The following GRIN3A variants were observed in gnomAD, a reference collection of about 807,000 sequenced individuals.
GRIN3A encodes glutamate ionotropic receptor NMDA type subunit 3A, also known as glutamate receptor ionotropic, NMDA 3A.
Under a neutral mutation model 92.4 loss-of-function variants are expected in GRIN3A, and 47 were observed. The observed-to-expected ratio is 0.51, with a 90% CI of 0.40 to 0.65. GRIN3A has a LOEUF of 0.65. GRIN3A is among the 30% of genes least tolerant of loss of function. The probability of loss-of-function intolerance (pLI) is 0.00; values close to 1 mark genes in which losing one functional copy is unlikely to be tolerated. For synonymous variants in GRIN3A, 527 were observed against 540.6 expected (o/e 0.97, Z 0.35); for missense variants, 1,324 against 1,393.1 (o/e 0.95, Z 0.79).
chr9:101,686,476 A>G lies in GRIN3A; in HGVS notation c.1304+120T>C, dbSNP rs1012614913. 2.1e-5 allele frequency: 23 copies of G among 1,114,028 alleles called. No homozygotes were observed. The South Asian group carries it at 2.7e-4, about 13-fold the overall frequency. The allele number at this position is 1,114,028 out of a possible 1,614,324, so 69.0% of individuals were successfully genotyped here. A position where few individuals can be genotyped will look rare whatever the true frequency, so the allele number is the denominator to read the frequency against. ...CTATATAACCAGAAATCCTCTAAGAAATATTATTAAAGTTTAAAGCTACTC... is the reference window on the plus strand; with the variant it reads ...CTATATAACCAGAAATCCTCTAAGAGATATTATTAAAGTTTAAAGCTACTC... On this transcript the variant is annotated intron_variant, in intron 2 of 8. Transcript: ENST00000361820.
intron 1 of GRIN3A, among the ~76,000 whole-genome samples, chr9:101,706,086 T>C (rs1216158428): frequency 2.0e-5 from 3 of 152,164 alleles, no homozygotes; most frequent in Non-Finnish European, 2.9e-5. Context: ...AGAAGCGACC[T>C]AGTCTGGGGA....
At position 101,591,208 on chromosome 9, in the gene GRIN3A, G is replaced by A. The variant is rs111727104; in HGVS notation, c.2767-11848C>T. ...GTGGAACATGGCTTAAAACTGTCTC[G>A]TCTAACATATCTGTTTCATTGCAAT... On this transcript the variant is annotated intron_variant, in intron 6 of 8. Coordinates refer to ENST00000361820, the MANE Select transcript of GRIN3A (RefSeq NM_133445.3). 3.3e-3 allele frequency among the ~76,000 whole-genome samples: 498 copies of A among 152,262 alleles called. 4 individuals carry two copies. Among genetic ancestry groups the A allele is most frequent in the Middle Eastern group, 0.017 (5 of 294 alleles).
In GRIN3A at chr9:101,670,816, A is replaced by G. The variant is rs1217602138; in HGVS notation, c.1596T>C (p.Asp532=). The part of the protein sequence containing the change: ...EHPFVFTREV[D]DEGLCPAGQL... ...GGCCAGCAGGGCACAAGCCTTCATC[A>G]TCTACCTCCCTTGTGAAGACAAAAG... Residue 532 remains aspartate (D), a synonymous_variant, in exon 3 of 9, where the codon GAT becomes GAC. Transcript: ENST00000361820. 1 of 1,613,942 alleles carries G rather than the reference A, an allele frequency of 6.2e-7. No individual in the cohort carries two copies. The highest frequency in any genetic ancestry group is 8.5e-7 in the Non-Finnish European group (1 of 1,179,978).
intron 1 of GRIN3A, among the ~76,000 whole-genome samples, chr9:101,705,097 T>A (rs1829796402): frequency 6.6e-6 from 1 of 152,120 alleles, no homozygotes; most frequent in Admixed American, 6.5e-5. Flanking sequence ...CCCATAGACC[T>A]AAATGAGAAC....
At position 101,738,072 on chromosome 9, in the gene GRIN3A, G is replaced by T; in HGVS notation, c.-93C>A. Reference sequence around the variant, plus strand: ...TGAGGTCTCCGCCTCCAGGTCCCGCGCGCAGCTTCACTCCACTCGGTGAAG... The same window carrying T: ...TGAGGTCTCCGCCTCCAGGTCCCGCTCGCAGCTTCACTCCACTCGGTGAAG... On this transcript the variant is annotated 5_prime_UTR_variant, in exon 1 of 9. Coordinates refer to ENST00000361820, the MANE Select transcript of GRIN3A (RefSeq NM_133445.3). 1.8e-6 allele frequency: 2 copies of T among 1,088,740 alleles called. No homozygotes were observed. The highest frequency in any genetic ancestry group is 1.5e-5 in the African/African-American group (1 of 64,580). 67.4% of individuals were successfully genotyped at this position (1,088,740 alleles called of 1,614,324 possible). A position where few individuals can be genotyped will look rare whatever the true frequency, so the allele number is the denominator to read the frequency against.
chr9:101,633,633 C>T (rs1019387678), intron 3 of GRIN3A, among the ~76,000 whole-genome samples: 1 of 152,146 alleles, frequency 6.6e-6, no homozygotes, highest in Non-Finnish European at 1.5e-5. Context: ...CTCATAGGAG[C>T]ATGAACCCTA....
At chr9:101,658,627 T>C (rs183996458) in intron 3 of GRIN3A, among the ~76,000 whole-genome samples, 2 of 152,076 alleles carry the variant, frequency 1.3e-5, no homozygotes, top group Admixed American at 1.3e-4. Context: ...AGTTTTTTGA[T>C]AGAATATCAT....
At chr9:101,721,053 G>A (rs894282209) in intron 1 of GRIN3A, among the ~76,000 whole-genome samples, 1 of 152,178 alleles carries the variant, frequency 6.6e-6, no homozygotes, top group African/African-American at 2.4e-5. Flanking sequence ...TCAACAGAAT[G>A]CCATGAATTG....
At chr9:101,719,334 G>A (rs940033949) in intron 1 of GRIN3A, among the ~76,000 whole-genome samples, 21 of 151,348 alleles carry the variant, frequency 1.4e-4, no homozygotes, top group East Asian at 5.8e-4. Flanking sequence ...GAGGAGAATC[G>A]TTTGAACCTG....
At chr9:101,611,691 A>G (rs1403816274) in intron 6 of GRIN3A, among the ~76,000 whole-genome samples, 1 of 152,200 alleles carries the variant, frequency 6.6e-6, no homozygotes, top group Non-Finnish European at 1.5e-5. Context: ...GTCCCTCACC[A>G]AGCTCTCACA....
At chr9:101,582,206 G>T (rs940827968) in intron 6 of GRIN3A, among the ~76,000 whole-genome samples, 5 of 152,196 alleles carry the variant, frequency 3.3e-5, no homozygotes, top group African/African-American at 1.2e-4. Flanking sequence ...CAGGCATAGG[G>T]TGCATAGGGA....
chr9:101,612,041 A>G (rs868609415), intron 6 of GRIN3A, among the ~76,000 whole-genome samples: 58 of 152,316 alleles, frequency 3.8e-4, no homozygotes, highest in African/African-American at 1.3e-3. Context: ...GGCTATGCCA[A>G]TGTTTCAGAT....
chr9:101,702,908 C>T (rs1450090142), intron 1 of GRIN3A, among the ~76,000 whole-genome samples: 1 of 152,162 alleles, frequency 6.6e-6, no homozygotes, highest in African/African-American at 2.4e-5. Context: ...TTCTTCTTGT[C>T]ACTCCTTAAT....
chr9:101,608,997 A>T (rs1490739354), intron 6 of GRIN3A, among the ~76,000 whole-genome samples: 1 of 152,202 alleles, frequency 6.6e-6, no homozygotes, highest in Non-Finnish European at 1.5e-5. Context: ...GCAGAGTGAG[A>T]GTAGAAGTGG....
At position 101,569,470 on chromosome 9, in the gene GRIN3A, G is replaced by A. The variant is rs373691260; in HGVS notation, c.*3704C>T. ...AAAAGTGGCTGGAGCAAAACAGCCC[G>A]TTCACTTCATGCTCACAAGACAGCA... On this transcript the variant is annotated 3_prime_UTR_variant, in exon 9 of 9. Coordinates refer to ENST00000361820, the MANE Select transcript of GRIN3A (RefSeq NM_133445.3). The A allele has an allele frequency of 2.6e-5, 4 of 152,168 alleles. No individual in the cohort carries two copies. Among genetic ancestry groups the A allele is most frequent in the Admixed American group, 6.5e-5 (1 of 15,276 alleles). The allele number at this position is 152,168 out of a possible 1,614,324, so 9.4% of individuals were successfully genotyped here.
intron 6 of GRIN3A, among the ~76,000 whole-genome samples, chr9:101,600,485 T>C (rs1275693081): frequency 1.3e-5 from 2 of 152,178 alleles, no homozygotes; most frequent in East Asian, 3.9e-4. Flanking sequence ...AAGGAGCACC[T>C]GCCTTGAGTG....
intron 1 of GRIN3A, among the ~76,000 whole-genome samples, chr9:101,709,373 CAG>C (rs1332185319): frequency 1.3e-5 from 2 of 152,078 alleles, no homozygotes; most frequent in Non-Finnish European, 2.9e-5. Flanking sequence ...TTTATTGAAA[CAG>C]AGTACAATTT....
At chr9:101,696,583 T>C (rs1829687775) in intron 1 of GRIN3A, among the ~76,000 whole-genome samples, 1 of 152,184 alleles carries the variant, frequency 6.6e-6, no homozygotes, top group Non-Finnish European at 1.5e-5. Context: ...GCAGATGATT[T>C]ACAAGATAAT....
At chr9:101,598,490 C>A (rs1828169208) in intron 6 of GRIN3A, among the ~76,000 whole-genome samples, 1 of 152,166 alleles carries the variant, frequency 6.6e-6, no homozygotes, top group Admixed American at 6.5e-5. Context: ...AACATCAAAT[C>A]TTAACAGTCC....
Sources: gnomAD v4.1 joint callset for allele counts (sites outside exome capture counted in the v4.1 genomes callset) on GRCh38, gnomAD v4.1.1 for gene constraint, MANE v1.5 for transcripts, NCBI Gene and HGNC (gene_info 2026-07-23, HGNC 2026-07-21) for gene names.